MYO5B: variants seen among roughly 807,000 people sequenced by gnomAD.
The protein encoded by MYO5B is unconventional myosin-Vb.
A neutral mutation model predicts 229.3 loss-of-function variants in MYO5B; 143 were observed. That is an observed-to-expected ratio of 0.62 (90% confidence interval 0.54 to 0.72). MYO5B has a LOEUF of 0.72. Ranked by LOEUF, MYO5B falls within the 30% of genes least tolerant of loss-of-function variation. The pLI is 0.00. For missense variants in MYO5B, 2,321 were observed against 2,331.0 expected, an observed-to-expected ratio of 1.00 and a Z score of 0.09; for synonymous variants, 918 against 885.2, an observed-to-expected ratio of 1.04 and a Z score of -0.66.
At position 49,954,330 on chromosome 18, in the gene MYO5B, C is replaced by A; in HGVS notation, c.1651G>T (p.Val551Phe). 2 of 1,613,848 alleles carry A rather than the reference C, an allele frequency of 1.2e-6. No homozygotes were observed. Residue 551 changes from valine (V) to phenylalanine (F), a missense_variant, in exon 13 of 40, where the codon GTC (valine) becomes TTC (phenylalanine). This residue lies in a region of MYO5B where 2,113 missense variants were observed against 2,044.7 expected (regional missense o/e 1.03). Transcript: ENST00000285039. ...PRMSNTAFII[V>F]HFADKVEYLS... ...AGAGCCACCTTGTCTGCAAAGTGGA[C>A]GATGATGAAGGCCGTGTTGGACATG...
intron 1 of MYO5B, among the ~76,000 whole-genome samples, chr18:50,101,489 A>C (rs1174960492): frequency 6.6e-6 from 1 of 152,214 alleles, no homozygotes; most frequent in African/African-American, 2.4e-5. Flanking sequence ...AAATTTTTGC[A>C]ATCTACCCAT....
chr18:50,014,341 T>C (rs1469413570), intron 4 of MYO5B, among the ~76,000 whole-genome samples: 3 of 152,238 alleles, frequency 2.0e-5, no homozygotes, highest in Admixed American at 6.5e-5. Context: ...CAGTGTTATT[T>C]ATTAATGATA....
chr18:49,929,104 A>G (rs11082789), intron 17 of MYO5B, among the ~76,000 whole-genome samples: 11,789 of 152,192 alleles, frequency 0.077, 940 homozygotes, highest in East Asian at 0.3. Flanking sequence ...TGTTCCCCCA[A>G]AAAACCTACT....
intron 12 of MYO5B, among the ~76,000 whole-genome samples, chr18:49,959,884 T>C (rs936252836): frequency 5.3e-5 from 8 of 152,150 alleles, no homozygotes; most frequent in African/African-American, 1.7e-4. Context: ...GAAATTAACA[T>C]TGCTGACACT....
chr18:50,126,530 T>C (rs750304698), intron 1 of MYO5B: 4 of 154,778 alleles, frequency 2.6e-5, no homozygotes, highest in Admixed American at 2.0e-4. Context: ...GAATCCCGAG[T>C]TATCTGAAAT....
chr18:49,904,545 G>T, intron 20 of MYO5B, 127 bp downstream of exon 20: 2 of 1,138,098 alleles, frequency 1.8e-6, no homozygotes, highest in Non-Finnish European at 2.6e-6. Flanking sequence ...TTTGGTGAGA[G>T]CAGAGATGTG....
At chr18:49,868,105 T>TTA (rs1044961928) in intron 27 of MYO5B, among the ~76,000 whole-genome samples, 1 of 131,410 alleles carries the variant, frequency 7.6e-6, no homozygotes, top group East Asian at 2.3e-4. Context: ...AGCAGAAAAA[T>TTA]TATATATATA....
At chr18:49,944,562 GC>G (rs1421885138) in intron 14 of MYO5B, among the ~76,000 whole-genome samples, 1 of 152,050 alleles carries the variant, frequency 6.6e-6, no homozygotes, top group Non-Finnish European at 1.5e-5. Context: ...ATATGACCCT[GC>G]AACTTGATAG....
At chr18:50,141,625 G>A (rs2032419436) in intron 1 of MYO5B, among the ~76,000 whole-genome samples, 1 of 152,134 alleles carries the variant, frequency 6.6e-6, no homozygotes, top group South Asian at 2.1e-4. Flanking sequence ...TGCATGACCA[G>A]CTCCTGACCC....
intron 7 of MYO5B, among the ~76,000 whole-genome samples, chr18:49,989,655 A>T (rs2025908320): frequency 6.6e-6 from 1 of 152,198 alleles, no homozygotes; most frequent in African/African-American, 2.4e-5. Context: ...TGTGGTATGG[A>T]GTCAAGAACT....
At chr18:50,059,705 G>A (rs2721087) in intron 1 of MYO5B, among the ~76,000 whole-genome samples, 143,265 of 152,230 alleles carry the variant, frequency 0.94, 67,972 homozygotes, top group East Asian at 1. Context: ...CCACCTCCCC[G>A]CTCTGCCTCC....
At chr18:50,008,421 G>A (rs2026126212) in intron 4 of MYO5B, among the ~76,000 whole-genome samples, 1 of 152,184 alleles carries the variant, frequency 6.6e-6, no homozygotes. Context: ...ATGTATAGCA[G>A]TACCGGCTGA....
chr18:49,967,160 C>T (rs1034752274), intron 10 of MYO5B, among the ~76,000 whole-genome samples: 15 of 152,098 alleles, frequency 9.9e-5, no homozygotes, highest in Non-Finnish European at 1.9e-4. Flanking sequence ...TCTGGTCTCT[C>T]GATGGCACAA....
At chr18:50,127,778 G>A (rs146846850) in intron 1 of MYO5B, among the ~76,000 whole-genome samples, 1 of 152,352 alleles carries the variant, frequency 6.6e-6, no homozygotes, top group African/African-American at 2.4e-5. Flanking sequence ...GCTGTTTCTA[G>A]ATGAGGTTAA....
intron 1 of MYO5B, among the ~76,000 whole-genome samples, chr18:50,147,194 C>T (rs1347627131): frequency 6.6e-6 from 1 of 152,176 alleles, no homozygotes; most frequent in Admixed American, 6.5e-5. Flanking sequence ...GCCCAACACG[C>T]CTTTCAGAGC....
chr18:50,121,981 C>G (rs1301176356), intron 1 of MYO5B, among the ~76,000 whole-genome samples: 1 of 152,236 alleles, frequency 6.6e-6, no homozygotes, highest in Non-Finnish European at 1.5e-5. Flanking sequence ...AAGATTCACA[C>G]TGGCTATGGA....
intron 1 of MYO5B, among the ~76,000 whole-genome samples, chr18:50,105,478 A>G (rs1201243701): frequency 2.0e-5 from 3 of 152,122 alleles, no homozygotes; most frequent in Non-Finnish European, 4.4e-5. Flanking sequence ...AGAATCCAAC[A>G]TGGGAAAACC....
intron 26 of MYO5B, among the ~76,000 whole-genome samples, chr18:49,873,380 A>G (rs1240925597): frequency 6.6e-6 from 1 of 152,168 alleles, no homozygotes; most frequent in East Asian, 1.9e-4. Flanking sequence ...AAGTCCTCCC[A>G]CTGTGGATGC....
chr18:50,077,528 C>T (rs2031117464), intron 1 of MYO5B, among the ~76,000 whole-genome samples: 1 of 147,660 alleles, frequency 6.8e-6, no homozygotes, highest in African/African-American at 2.7e-5. Flanking sequence ...CACACACACA[C>T]ACACACACAC....
Sources: allele counts gnomAD v4.1 joint callset (sites outside exome capture counted in the v4.1 genomes callset), GRCh38; gene constraint gnomAD v4.1.1; regional missense constraint gnomAD v4.1.1; transcripts MANE v1.5; gene names NCBI Gene and HGNC (gene_info 2026-07-23, HGNC 2026-07-21).